CDC25A: variants seen among roughly 807,000 people sequenced by gnomAD.
The protein encoded by CDC25A is cell division cycle 25A.
CDC25A carries 17 observed loss-of-function variants against 64.6 expected under a neutral mutation model. The observed-to-expected ratio is 0.26, with a 90% CI of 0.18 to 0.39. CDC25A has a LOEUF of 0.39. CDC25A is among the 10% of genes least tolerant of loss of function. The pLI, the probability that CDC25A is intolerant of heterozygous loss-of-function variation, is 1.00. For synonymous variants in CDC25A, 229 were observed against 238.6 expected, an observed-to-expected ratio of 0.96 and a Z score of 0.37; for missense variants, 473 against 654.8, an observed-to-expected ratio of 0.72 and a Z score of 3.03.
rs3731486 is a variant in CDC25A, at chr3:48,188,244, G to C, written c.-297C>G. On this transcript the variant is annotated 5_prime_UTR_variant, in exon 1 of 15. Coordinates refer to ENST00000302506, the MANE Select transcript of CDC25A (RefSeq NM_001789.3). ...AAGATTAAATCCAAACAAACGTGGC[G>C]GGTCGGCAAGAGAAGCCGGGCGAGA... 3.7e-6 allele frequency: 1 copy of C among 268,948 alleles called. No homozygotes were observed. Among genetic ancestry groups the C allele is most frequent in the East Asian group, 6.7e-5 (1 of 14,936 alleles). The allele number at this position is 268,948 out of a possible 1,614,324, so 16.7% of individuals were successfully genotyped here. A position where few individuals can be genotyped will look rare whatever the true frequency, so the allele number is the denominator to read the frequency against.
intron 8 of CDC25A, among the ~76,000 whole-genome samples, chr3:48,176,928 G>A (rs2032484542): frequency 6.6e-6 from 1 of 151,144 alleles, no homozygotes; most frequent in Non-Finnish European, 1.5e-5. Context: ...CCAAGATTGT[G>A]CCACTGCACT....
chr3:48,159,038 A>G lies in CDC25A; in HGVS notation c.1482T>C (p.Phe494=). ...TGCGGAACTTCTTCAGGTCTTCTTT[A>G]AAGTCCTCGTGGTGCATGGGCCGGT... ...PSYRPMHHED[F]KEDLKKFRTK... Residue 494 remains phenylalanine (F), a synonymous_variant, in exon 15 of 15, where the codon TTT becomes TTC. Coordinates refer to ENST00000302506, the MANE Select transcript of CDC25A (RefSeq NM_001789.3). 1 of 1,614,052 alleles carries G rather than the reference A, an allele frequency of 6.2e-7. No individual in the cohort carries two copies. The highest frequency in any genetic ancestry group is 8.5e-7 in the Non-Finnish European group (1 of 1,179,980).
At chr3:48,177,293 G>T in intron 8 of CDC25A, 78 bp downstream of exon 8, 1 of 1,086,356 alleles carries the variant, frequency 9.2e-7, no homozygotes, top group Non-Finnish European at 1.4e-6. Flanking sequence ...TCAATCTTTG[G>T]CTATACTCAA....
chr3:48,182,070 GA>G lies in CDC25A; in HGVS notation c.429+858del, dbSNP rs1473245837. Reference sequence around the variant, plus strand: ...GCAACCCTGAGAAGCTATTTCGGGGGAAAACCAGGCATCAGTACAGCTTTGC... The same window carrying G: ...GCAACCCTGAGAAGCTATTTCGGGGGAAACCAGGCATCAGTACAGCTTTGC... On this transcript the variant is annotated intron_variant, in intron 5 of 14. Coordinates refer to ENST00000302506, the MANE Select transcript of CDC25A (RefSeq NM_001789.3). 3.9e-5 allele frequency among the ~76,000 whole-genome samples: 6 copies of G among 152,274 alleles called. No individual in the cohort carries two copies. In the East Asian group the frequency reaches 1.2e-3, roughly 29 times the overall value.
intron 13 of CDC25A, among the ~76,000 whole-genome samples, chr3:48,164,061 G>T (rs1051420070): frequency 6.6e-6 from 1 of 152,122 alleles, no homozygotes; most frequent in Non-Finnish European, 1.5e-5. Flanking sequence ...CATAAGGAAC[G>T]GTCACTTTGT....
intron 6 of CDC25A, chr3:48,180,387 C>CT (rs1277523706): frequency 1.8e-5 from 3 of 167,280 alleles, no homozygotes; most frequent in Middle Eastern, 2.4e-3. Flanking sequence ...CCAGAAAGCC[C>CT]TTAAAAAAAA....
Position 48,158,722 on chromosome 3 carries a change from T to C in CDC25A, c.*223A>G. 1.9e-6 allele frequency: 1 copy of C among 536,678 alleles called. No homozygotes were observed. 33.2% of individuals were successfully genotyped at this position (536,678 alleles called of 1,614,324 possible). On this transcript the variant is annotated 3_prime_UTR_variant, in exon 15 of 15. Transcript: ENST00000302506. ...TCAGAACTGCATTGTGGCACAGTTC[T>C]GATATGGACGGAGGACGTCTAACAG...
chr3:48,170,351 C>T (rs1229459167), intron 9 of CDC25A, among the ~76,000 whole-genome samples: 1 of 152,196 alleles, frequency 6.6e-6, no homozygotes, highest in Non-Finnish European at 1.5e-5. Flanking sequence ...GATCTACGAC[C>T]ACCAGCTTTA....
At chr3:48,167,158 C>G (rs1296065555) in intron 10 of CDC25A, among the ~76,000 whole-genome samples, 1 of 152,212 alleles carries the variant, frequency 6.6e-6, no homozygotes, top group African/African-American at 2.4e-5. Flanking sequence ...TCTCACCTCT[C>G]CAACCACATG....
Position 48,165,663 on chromosome 3 carries a change from T to C in CDC25A, c.1164A>G (p.Pro388=). Residue 388 remains proline, a synonymous_variant, in exon 12 of 15, where the codon CCA becomes CCG. Coordinates refer to ENST00000302506, the MANE Select transcript of CDC25A (RefSeq NM_001789.3). ...TGATGTGGCCTCCCTCGTATTCATATGGGTATCGACAGTCGATGATAACAA... is the reference window on the plus strand; with the variant it reads ...TGATGTGGCCTCCCTCGTATTCATACGGGTATCGACAGTCGATGATAACAA... ...KEFVIIDCRY[P]YEYEGGHIKG... 31 of 1,613,734 alleles carry C rather than the reference T, an allele frequency of 1.9e-5. No individual in the cohort carries two copies. Among genetic ancestry groups the C allele is most frequent in the Non-Finnish European group, 2.3e-5 (27 of 1,179,620 alleles).
At chr3:48,177,773 G>A (rs1035384075) in intron 7 of CDC25A, 81 bp downstream of exon 7, 2 of 1,545,248 alleles carry the variant, frequency 1.3e-6, no homozygotes, top group Admixed American at 1.7e-5. Context: ...TGCTGTTGCT[G>A]TTCTTTTTCA....
rs912491066 is a variant in CDC25A at position 48,158,792 on chromosome 3, T to C, written c.*153A>G. 2.2e-6 allele frequency: 2 copies of C among 893,364 alleles called. No individual in the cohort carries two copies. The highest frequency in any genetic ancestry group is 3.4e-6 in the Non-Finnish European group (2 of 580,726). 55.3% of individuals were successfully genotyped at this position (893,364 alleles called of 1,614,324 possible). A position where few individuals can be genotyped will look rare whatever the true frequency, so the allele number is the denominator to read the frequency against. On this transcript the variant is annotated 3_prime_UTR_variant, in exon 15 of 15. Coordinates refer to ENST00000302506, the MANE Select transcript of CDC25A (RefSeq NM_001789.3). ...AGCAAGATGCCCTGGGCTCCAACCT[T>C]GGGAGTGTGGGAGGTAGGTTTAAGG...
chr3:48,177,563 T>C (rs2032509337), intron 7 of CDC25A, 121 bp from the exon 8 acceptor site: 3 of 769,824 alleles, frequency 3.9e-6, no homozygotes, highest in South Asian at 1.6e-5. Flanking sequence ...GTATCCTTAA[T>C]GTACCATCCT....
At position 48,187,995 on chromosome 3, in the gene CDC25A, C is replaced by T; in HGVS notation, c.-48G>A. ...CTCCCGCTCCCTCTTCCTCTGCCTC[C>T]GCCGCGACCGCCCCGCCCCGCCGAC... On this transcript the variant is annotated 5_prime_UTR_variant, in exon 1 of 15. Transcript: ENST00000302506. 7.5e-7 allele frequency: 1 copy of T among 1,330,752 alleles called. No homozygotes were observed. The highest frequency in any genetic ancestry group is 1.5e-5 in the African/African-American group (1 of 64,732). The allele number at this position is 1,330,752 out of a possible 1,614,324, so 82.4% of individuals were successfully genotyped here.
intron 2 of CDC25A, among the ~76,000 whole-genome samples, chr3:48,185,219 C>G (rs1302706440): frequency 6.6e-6 from 1 of 151,758 alleles, no homozygotes; most frequent in Non-Finnish European, 1.5e-5. Flanking sequence ...CAAAACAAGC[C>G]TGGGGCAACA....
intron 8 of CDC25A, among the ~76,000 whole-genome samples, chr3:48,175,749 C>T (rs750077536): frequency 6.6e-6 from 1 of 152,220 alleles, no homozygotes; most frequent in African/African-American, 2.4e-5. Flanking sequence ...AGTGTTCTCA[C>T]ATTTTATGTA....
chr3:48,186,273 C>A (rs866026560), intron 2 of CDC25A, among the ~76,000 whole-genome samples: 3 of 152,262 alleles, frequency 2.0e-5, no homozygotes, highest in African/African-American at 4.8e-5. Flanking sequence ...TTGTATTGTT[C>A]TCAATAATGT....
intron 9 of CDC25A, among the ~76,000 whole-genome samples, chr3:48,173,676 C>T (rs2032351211): frequency 1.3e-5 from 2 of 152,372 alleles, no homozygotes; most frequent in African/African-American, 2.4e-5. Flanking sequence ...GACAAGTCCC[C>T]ACCCAAGGTG....
chr3:48,187,232 G>C (rs2106772714), intron 1 of CDC25A, among the ~76,000 whole-genome samples: 1 of 152,292 alleles, frequency 6.6e-6, no homozygotes, highest in South Asian at 2.1e-4. Context: ...GAAAAGCCCA[G>C]GAAGCTTTCT....
Sources: allele counts gnomAD v4.1 joint callset (sites outside exome capture counted in the v4.1 genomes callset), GRCh38; gene constraint gnomAD v4.1.1; transcripts MANE v1.5; gene names NCBI Gene and HGNC (gene_info 2026-07-23, HGNC 2026-07-21).